The following ZNF573 variants were observed in gnomAD, a reference collection of about 807,000 sequenced individuals.
The protein encoded by ZNF573 is zinc finger protein 573.
A neutral mutation model predicts 57.4 loss-of-function variants in ZNF573; 41 were observed. That is an observed-to-expected ratio of 0.71 (90% CI 0.56 to 0.93). ZNF573 has a LOEUF of 0.93. Ranked by LOEUF, ZNF573 falls within the 40% of genes least tolerant of loss-of-function variation. The probability of loss-of-function intolerance (pLI) is 0.00; values close to 1 mark genes in which losing one functional copy is unlikely to be tolerated. For synonymous variants in ZNF573, 249 were observed against 261.0 expected (o/e 0.95, Z 0.44); for missense variants, 730 against 794.8 (o/e 0.92, Z 0.98).
chr19:37,749,276 T>C (rs938492279), intron 4 of ZNF573, among the ~76,000 whole-genome samples: 4 of 151,644 alleles, frequency 2.6e-5, no homozygotes, highest in Admixed American at 1.3e-4. Context: ...ATATATATTA[T>C]ATATTATACA....
chr19:37,764,310 TG>T (rs1270998713), intron 4 of ZNF573, among the ~76,000 whole-genome samples: 2 of 150,346 alleles, frequency 1.3e-5, no homozygotes, highest in African/African-American at 2.5e-5. Context: ...AGTTTTTTTT[TG>T]TTTTTTTTTT....
Position 37,747,566 on chromosome 19 carries a change from G to A in ZNF573, c.296-7372C>T, listed in dbSNP as rs375134849. On this transcript the variant is annotated intron_variant, in intron 4 of 4. Transcript: ENST00000536220. The stretch of plus-strand genomic sequence containing the variant: ...AAGTTGTTTCTAAAGAGTAGAGAAT[G>A]GAAAAGGAAAAAATAGTACATTTGG... 2.3e-4 allele frequency among the ~76,000 whole-genome samples: 35 copies of A among 152,194 alleles called. No homozygotes were observed. The South Asian group carries it at 7.3e-3, about 32-fold the overall frequency.
intron 1 of ZNF573, among the ~76,000 whole-genome samples, chr19:37,778,985 A>G (rs751637456): frequency 2.1e-4 from 32 of 152,152 alleles, no homozygotes; most frequent in Non-Finnish European, 7.3e-5. Flanking sequence ...CAGCAAGTCA[A>G]TGCCTTCTTG....
intron 4 of ZNF573, among the ~76,000 whole-genome samples, chr19:37,767,233 CTT>C (rs200995291): frequency 4.8e-5 from 7 of 144,568 alleles, no homozygotes; most frequent in African/African-American, 5.0e-5. Flanking sequence ...AGATTCATTC[CTT>C]TTTTTTTTTT....
At chr19:37,747,506 C>T (rs1481346090) in intron 4 of ZNF573, among the ~76,000 whole-genome samples, 1 of 152,122 alleles carries the variant, frequency 6.6e-6, no homozygotes, top group African/African-American at 2.4e-5. Context: ...ATTTCCACTT[C>T]TATGTACCTG....
At chr19:37,745,312 A>C (rs1428019316) in intron 4 of ZNF573, among the ~76,000 whole-genome samples, 1 of 151,430 alleles carries the variant, frequency 6.6e-6, no homozygotes, top group Non-Finnish European at 1.5e-5. Context: ...CCTGGCGCCA[A>C]GTGATTTGCT....
intron 4 of ZNF573, among the ~76,000 whole-genome samples, chr19:37,768,762 T>C (rs2145324952): frequency 6.6e-6 from 1 of 151,830 alleles, no homozygotes; most frequent in Non-Finnish European, 1.5e-5. Context: ...GCCTCCCGGG[T>C]TCATGCCATT....
intron 4 of ZNF573, among the ~76,000 whole-genome samples, chr19:37,745,109 C>T (rs2045368555): frequency 6.6e-6 from 1 of 151,732 alleles, no homozygotes; most frequent in Non-Finnish European, 1.5e-5. Flanking sequence ...AAAAAATGCT[C>T]TGTCACTCAG....
chr19:37,740,041 A>C lies in ZNF573; in HGVS notation c.449T>G (p.Ile150Ser). Residue 150 changes from isoleucine (I) to serine (S), a missense_variant, in exon 5 of 5, where the codon ATT becomes AGT. Transcript: ENST00000536220. The stretch of plus-strand genomic sequence containing the variant: ...AATGACATGAAACCTGTGATGTAGA[A>C]TAAGTTGATAACCACTACTAAATTT... ...QKKFSSGYQL[I>S]LHHRFHVIER... is the part of the protein sequence containing the mutation. The C allele has an allele frequency of 6.2e-7, 1 of 1,614,164 alleles. No individual in the cohort carries two copies. Among genetic ancestry groups the C allele is most frequent in the Non-Finnish European group, 8.5e-7 (1 of 1,180,002 alleles).
At chr19:37,773,481 G>T (rs895034667) in intron 2 of ZNF573, among the ~76,000 whole-genome samples, 180 bp downstream of exon 2, 1 of 152,090 alleles carries the variant, frequency 6.6e-6, no homozygotes, top group Non-Finnish European at 1.5e-5. Flanking sequence ...ATATAAAAGT[G>T]GACAGAAAAT....
At chr19:37,766,619 C>G (rs558877352) in intron 4 of ZNF573, among the ~76,000 whole-genome samples, 87 of 152,310 alleles carry the variant, frequency 5.7e-4, no homozygotes, top group African/African-American at 1.8e-3. Flanking sequence ...CGCATGAAGA[C>G]CAGCCTTAAA....
intron 4 of ZNF573, among the ~76,000 whole-genome samples, chr19:37,745,087 A>C (rs2145282721): frequency 6.7e-6 from 1 of 148,274 alleles, no homozygotes; most frequent in African/African-American, 2.5e-5. Context: ...CGGCCAGGAA[A>C]TACTTAAAGA....
intron 4 of ZNF573, among the ~76,000 whole-genome samples, chr19:37,765,827 T>G (rs2045596988): frequency 6.6e-6 from 1 of 151,996 alleles, no homozygotes; most frequent in South Asian, 2.1e-4. Context: ...TCATCTGAGG[T>G]CAGGAGTTTG....
intron 4 of ZNF573, among the ~76,000 whole-genome samples, chr19:37,749,315 A>G (rs2145290170): frequency 6.6e-6 from 1 of 152,000 alleles, no homozygotes; most frequent in South Asian, 2.1e-4. Context: ...ATACATATAT[A>G]CACAAATATA....
chr19:37,768,815 G>A (rs189892431), intron 4 of ZNF573, among the ~76,000 whole-genome samples: 12 of 147,272 alleles, frequency 8.1e-5, no homozygotes, highest in African/African-American at 2.7e-4. Flanking sequence ...ACAGGCGCCC[G>A]CCACTATGCC....
In ZNF573 at chr19:37,739,736, C is replaced by G. The variant is rs1350138746; in HGVS notation, c.754G>C (p.Gly252Arg). 3.1e-6 allele frequency: 5 copies of G among 1,613,910 alleles called. No homozygotes were observed. The Admixed American group carries it at 8.3e-5, about 27-fold the overall frequency. ...TGTCCACCTTGACTAAAGGCCCTCCCACACTCCTGACATTCATACGGCTTC... is the reference window on the plus strand; with the variant it reads ...TGTCCACCTTGACTAAAGGCCCTCCGACACTCCTGACATTCATACGGCTTC... ...GGKPYECQECGRAFSQGGHLR... is the reference protein window; with the variant it reads ...GGKPYECQECRRAFSQGGHLR... Residue 252 changes from glycine to arginine, a missense_variant, in exon 5 of 5, where the codon GGG (glycine) becomes CGG (arginine). Physicochemically the swap from Gly to Arg is moderately radical, Grantham distance 125 (BLOSUM62 -2). Transcript: ENST00000536220.
intron 4 of ZNF573, among the ~76,000 whole-genome samples, chr19:37,748,144 G>A (rs1342162082): frequency 6.6e-6 from 1 of 152,172 alleles, no homozygotes; most frequent in Admixed American, 6.5e-5. Flanking sequence ...GAGACTGGAA[G>A]ATAAGACAAA....
At chr19:37,777,307 C>T (rs1364535859) in intron 1 of ZNF573, among the ~76,000 whole-genome samples, 1 of 152,082 alleles carries the variant, frequency 6.6e-6, no homozygotes, top group African/African-American at 2.4e-5. Flanking sequence ...AGCCACTGCA[C>T]CCAGACAGAA....
intron 4 of ZNF573, among the ~76,000 whole-genome samples, chr19:37,743,335 A>AAGAAG (rs1555739523): frequency 1.3e-5 from 2 of 150,876 alleles, no homozygotes; most frequent in Admixed American, 6.7e-5. Flanking sequence ...AAAAAAAAAA[A>AAGAAG]AAGAAGAAGA....
Sources: gnomAD v4.1 joint callset for allele counts (sites outside exome capture counted in the v4.1 genomes callset) on GRCh38, gnomAD v4.1.1 for gene constraint, MANE v1.5 for transcripts, NCBI Gene and HGNC (gene_info 2026-07-23, HGNC 2026-07-21) for gene names.